Variants in PIK3C2G observed in about 807,000 individuals in gnomAD.
PIK3C2G encodes the protein phosphatidylinositol 3-kinase C2 domain-containing subunit gamma.
In PIK3C2G, 168 loss-of-function variants were observed where a neutral mutation model predicts 181.1. The ratio of observed to expected loss-of-function variants is 0.93; its 90% CI spans 0.82 to 1.05. PIK3C2G has a LOEUF of 1.05. Ranked by LOEUF, PIK3C2G falls within the 50% of genes least tolerant of loss-of-function variation. PIK3C2G has a pLI of 0.00. For synonymous variants in PIK3C2G, 573 were observed against 592.2 expected (o/e 0.97, Z 0.47); for missense variants, 1,869 against 1,732.8 (o/e 1.08, Z -1.40).
chr12:18,556,647 T>A (rs1945027744), intron 26 of PIK3C2G, among the ~76,000 whole-genome samples: 1 of 152,294 alleles, frequency 6.6e-6, no homozygotes, highest in Non-Finnish European at 1.5e-5. Context: ...GTTGGATCGA[T>A]GTTCAATGAA....
chr12:18,700,512 C>CA, the PIK3C2G span, among the ~76,000 whole-genome samples: 2,870 of 67,784 alleles, frequency 0.042, 379 homozygotes, highest in African/African-American at 0.15. Flanking sequence ...AGCCAACGTA[C>CA]AAAAAAAAAA....
At chr12:18,424,683 T>C (rs1288295046) in intron 18 of PIK3C2G, 1 of 211,578 alleles carries the variant, frequency 4.7e-6, no homozygotes, top group African/African-American at 2.3e-5. Context: ...CAAAAGATGC[T>C]ATTCCTGAGA....
chr12:18,479,178 C>A (rs1311537244), intron 18 of PIK3C2G, among the ~76,000 whole-genome samples: 1 of 151,538 alleles, frequency 6.6e-6, no homozygotes, highest in African/African-American at 2.4e-5. Context: ...AAGTTGGAAG[C>A]CTTTGGAAAG....
the PIK3C2G span, among the ~76,000 whole-genome samples, chr12:18,702,487 A>G: frequency 1.8e-4 from 27 of 152,216 alleles, no homozygotes; most frequent in South Asian, 5.6e-3. Context: ...TCTGGGTTAT[A>G]AAGTAAAGTT....
intron 1 of PIK3C2G, among the ~76,000 whole-genome samples, chr12:18,250,560 A>T (rs551420390): frequency 6.6e-6 from 1 of 152,174 alleles, no homozygotes; most frequent in Non-Finnish European, 1.5e-5. Flanking sequence ...GAAACAAAGC[A>T]GATATTCCCT....
the PIK3C2G span, chr12:18,683,358 A>T: frequency 9.0e-5 from 144 of 1,598,070 alleles, no homozygotes; most frequent in Non-Finnish European, 1.2e-4. Flanking sequence ...TAGACCAATA[A>T]CCAATTAATC....
At chr12:18,449,222 G>T (rs559399944) in intron 18 of PIK3C2G, among the ~76,000 whole-genome samples, 1 of 151,978 alleles carries the variant, frequency 6.6e-6, no homozygotes, top group Non-Finnish European at 1.5e-5. Flanking sequence ...TTTCATGCCA[G>T]TACCATACTG....
chr12:18,311,396 G>A lies in PIK3C2G; in HGVS notation c.1035-2566G>A, dbSNP rs948523547. The stretch of plus-strand genomic sequence containing the variant: ...TTTTATATGTAGTTATATGAAAGGT[G>A]TATATATATACACACTCATATACAC... On this transcript the variant is annotated intron_variant, in intron 5 of 32. Transcript: ENST00000538779. Among the ~76,000 whole-genome samples the A allele has an allele frequency of 2.0e-5, 3 of 151,766 alleles. No homozygotes were observed. The Admixed American group carries it at 2.0e-4, about 10-fold the overall frequency.
intron 29 of PIK3C2G, among the ~76,000 whole-genome samples, chr12:18,581,814 G>T (rs976259368): frequency 2.0e-5 from 3 of 152,236 alleles, no homozygotes; most frequent in Admixed American, 6.5e-5. Context: ...GATTACTTAG[G>T]GTGAGAGTGT....
At chr12:18,471,605 A>G (rs1592344381) in intron 18 of PIK3C2G, among the ~76,000 whole-genome samples, 2 of 151,908 alleles carry the variant, frequency 1.3e-5, no homozygotes, top group Admixed American at 1.3e-4. Flanking sequence ...TCCAACACCT[A>G]CCCATCCATA....
chr12:18,543,412 A>G (rs187374450), intron 25 of PIK3C2G, among the ~76,000 whole-genome samples: 9 of 151,962 alleles, frequency 5.9e-5, no homozygotes, highest in African/African-American at 2.2e-4. Context: ...CCACCTGCCA[A>G]TTTTTGCTCT....
At chr12:18,690,509 G>A in the PIK3C2G span, among the ~76,000 whole-genome samples, 1 of 152,152 alleles carries the variant, frequency 6.6e-6, no homozygotes, top group Non-Finnish European at 1.5e-5. Context: ...ACAGATGTGA[G>A]CCTCCATACC....
chr12:18,587,186 A>G (rs1158389806), intron 29 of PIK3C2G, among the ~76,000 whole-genome samples: 1 of 152,182 alleles, frequency 6.6e-6, no homozygotes, highest in African/African-American at 2.4e-5. Flanking sequence ...TATTCAACAT[A>G]GTATTGGAAG....
chr12:18,650,692 GTGTGTGTGTGTGTATATATCTA>G (rs1565602274), downstream of PIK3C2G, among the ~76,000 whole-genome samples: 16 of 38,660 alleles, frequency 4.1e-4, no homozygotes, highest in South Asian at 2.1e-3. Flanking sequence ...GTGTGTGTGT[GTGTGTGTGTGTGTATATATCTA>G]TATATATATA....
intron 29 of PIK3C2G, among the ~76,000 whole-genome samples, chr12:18,568,843 G>T (rs561502368): frequency 6.6e-6 from 1 of 152,094 alleles, no homozygotes; most frequent in South Asian, 2.1e-4. Context: ...GTAGATCTTG[G>T]CCCTCCTTAC....
At chr12:18,455,573 A>T (rs1392663884) in intron 18 of PIK3C2G, among the ~76,000 whole-genome samples, 1 of 152,078 alleles carries the variant, frequency 6.6e-6, no homozygotes, top group Non-Finnish European at 1.5e-5. Flanking sequence ...CTTATAAATG[A>T]TAGGAATTTA....
chr12:18,627,938 G>GA (rs989435775), intron 31 of PIK3C2G, among the ~76,000 whole-genome samples: 2 of 152,150 alleles, frequency 1.3e-5, no homozygotes, highest in African/African-American at 4.8e-5. Context: ...TCATTGAAAA[G>GA]ATAATAACCT....
At chr12:18,497,872 A>G (rs1941143308) in intron 22 of PIK3C2G, 124 bp downstream of exon 22, 1 of 553,620 alleles carries the variant, frequency 1.8e-6, no homozygotes, top group Non-Finnish European at 2.9e-6. Context: ...AAAGAACTAT[A>G]CACATTCTTC....
In PIK3C2G at chr12:18,585,069, T is replaced by C. The variant is rs77323914; in HGVS notation, c.4012-9425T>C. Among the ~76,000 whole-genome samples the C allele has an allele frequency of 5.3e-3, 814 of 152,178 alleles. 5 individuals are homozygous for C. The highest frequency in any genetic ancestry group is 0.019 in the African/African-American group (778 of 41,514). On this transcript the variant is annotated intron_variant, in intron 29 of 32. Coordinates refer to ENST00000538779, the MANE Select transcript of PIK3C2G (RefSeq NM_001288772.2). ...CACTAAATATAGAAAGGAAGCATTA[T>C]TATCAGATGATACAGAAACACACTT...
Sources: allele counts gnomAD v4.1 joint callset (sites outside exome capture counted in the v4.1 genomes callset), GRCh38; gene constraint gnomAD v4.1.1; transcripts MANE v1.5; gene names NCBI Gene and HGNC (gene_info 2026-07-23, HGNC 2026-07-21).